KCNMA1: variants seen among roughly 807,000 people sequenced by gnomAD.
KCNMA1 encodes the protein potassium calcium-activated channel subfamily M alpha 1.
A neutral mutation model predicts 140.0 loss-of-function variants in KCNMA1; 29 were observed. That is an observed-to-expected ratio of 0.21 (90% CI 0.15 to 0.28). KCNMA1 has a LOEUF of 0.28. Among genes scored for constraint, KCNMA1 ranks in the 10% least tolerant of loss-of-function variants. The pLI is 1.00. For synonymous variants in KCNMA1, 612 were observed against 611.9 expected (o/e 1.00, Z 0.00); for missense variants, 880 against 1,602.2 (o/e 0.55, Z 7.70).
intron 14 of KCNMA1, 29 bp from the exon 15 acceptor site, chr10:77,039,666 T>G: frequency 7.2e-7 from 1 of 1,389,740 alleles, no homozygotes; most frequent in Non-Finnish European, 1.0e-6. Context: ...TGCGGAGAGT[T>G]TAAAATATGA....
intron 16 of KCNMA1, among the ~76,000 whole-genome samples, chr10:77,027,008 G>T (rs1226824989): frequency 1.3e-5 from 2 of 152,152 alleles, no homozygotes; most frequent in African/African-American, 4.8e-5. Flanking sequence ...AATAGACTGT[G>T]GGTGTCATTT....
intron 1 of KCNMA1, among the ~76,000 whole-genome samples, chr10:77,412,731 G>A (rs2096647378): frequency 6.6e-6 from 1 of 152,230 alleles, no homozygotes; most frequent in African/African-American, 2.4e-5. Flanking sequence ...CCTCTGCATT[G>A]AGCAATTTCA....
chr10:77,574,913 G>A (rs1279182459), intron 1 of KCNMA1, among the ~76,000 whole-genome samples: 1 of 152,186 alleles, frequency 6.6e-6, no homozygotes, highest in African/African-American at 2.4e-5. Context: ...TGCTTGGAGT[G>A]GGAGCTGATG....
chr10:76,872,338 T>C (rs1159279487), downstream of KCNMA1: 2 of 152,228 alleles, frequency 1.3e-5, no homozygotes, highest in Non-Finnish European at 2.9e-5. Context: ...CCTTTAGCAC[T>C]CCTTGCTGCT....
At chr10:77,481,664 A>T (rs1310481852) in intron 1 of KCNMA1, among the ~76,000 whole-genome samples, 1 of 151,836 alleles carries the variant, frequency 6.6e-6, no homozygotes, top group Non-Finnish European at 1.5e-5. Flanking sequence ...AGTCCCAGCT[A>T]CTTGGGAGGC....
At chr10:77,387,933 A>G (rs1439818669) in intron 2 of KCNMA1, among the ~76,000 whole-genome samples, 1 of 152,178 alleles carries the variant, frequency 6.6e-6, no homozygotes, top group Non-Finnish European at 1.5e-5. Context: ...AATTCTTTAG[A>G]GCAGAGCCAT....
At chr10:77,375,503 C>A (rs957132010) in intron 2 of KCNMA1, among the ~76,000 whole-genome samples, 2 of 152,310 alleles carry the variant, frequency 1.3e-5, no homozygotes, top group East Asian at 3.9e-4. Context: ...ACCAAGCAGC[C>A]ACCACAAGAG....
At chr10:76,888,839 T>C (rs999182194) in intron 27 of KCNMA1, among the ~76,000 whole-genome samples, 11 of 151,960 alleles carry the variant, frequency 7.2e-5, no homozygotes, top group Non-Finnish European at 1.5e-4. Flanking sequence ...CCGAGGTGGG[T>C]GGATCACTTG....
intron 2 of KCNMA1, among the ~76,000 whole-genome samples, chr10:77,267,522 T>C (rs571453743): frequency 6.6e-6 from 1 of 152,318 alleles, no homozygotes; most frequent in South Asian, 2.1e-4. Flanking sequence ...TGTGAAACTC[T>C]GTTTCATCTC....
intron 1 of KCNMA1, among the ~76,000 whole-genome samples, chr10:77,574,080 C>T (rs975424693): frequency 1.3e-5 from 2 of 152,120 alleles, no homozygotes; most frequent in Non-Finnish European, 2.9e-5. Flanking sequence ...AAGCGATCCA[C>T]CCATCTTGGC....
intron 1 of KCNMA1, among the ~76,000 whole-genome samples, chr10:77,468,879 C>G (rs1441266173): frequency 6.6e-6 from 1 of 152,176 alleles, no homozygotes; most frequent in Admixed American, 6.5e-5. Flanking sequence ...TCTTGCACTA[C>G]TTGTGATTAG....
intron 1 of KCNMA1, among the ~76,000 whole-genome samples, chr10:77,550,686 G>C (rs902855259): frequency 1.3e-5 from 2 of 152,222 alleles, no homozygotes; most frequent in Admixed American, 1.3e-4. Context: ...GGCAAGGATT[G>C]TGTGTACTCC....
chr10:77,512,795 C>T (rs949506955), intron 1 of KCNMA1, among the ~76,000 whole-genome samples: 2 of 152,152 alleles, frequency 1.3e-5, no homozygotes, highest in Admixed American at 1.3e-4. Context: ...ATGAAACCAA[C>T]CCTGTCAACA....
intron 9 of KCNMA1, among the ~76,000 whole-genome samples, chr10:77,106,180 G>T (rs78050416): frequency 6.6e-6 from 1 of 152,048 alleles, no homozygotes; most frequent in East Asian, 1.9e-4. Flanking sequence ...TGACAGGACG[G>T]ACTCTGTGTC....
intron 2 of KCNMA1, among the ~76,000 whole-genome samples, chr10:77,376,948 A>AATACATACATAC (rs66548732): frequency 0.23 from 34,258 of 148,248 alleles, 4,419 homozygotes; most frequent in African/African-American, 0.33. Flanking sequence ...AAAATAAATA[A>AATACATACATAC]ATACATACAT....
chr10:77,056,312 A>G (rs2095539136), intron 14 of KCNMA1, among the ~76,000 whole-genome samples: 1 of 152,090 alleles, frequency 6.6e-6, no homozygotes, highest in Non-Finnish European at 1.5e-5. Context: ...CCCAGAAGGC[A>G]GAAGTTGTAG....
intron 1 of KCNMA1, among the ~76,000 whole-genome samples, chr10:77,630,929 G>A (rs2093108510): frequency 6.6e-6 from 1 of 151,696 alleles, no homozygotes; most frequent in South Asian, 2.1e-4. Flanking sequence ...AACATAGGGA[G>A]ACCCCATCTC....
intron 21 of KCNMA1, chr10:76,952,231 AC>A (rs2066540597): frequency 1.3e-6 from 2 of 1,501,286 alleles, no homozygotes; most frequent in African/African-American, 1.4e-5. Context: ...ATCAGAATGT[AC>A]ATATATGGCT....
At chr10:76,960,940 T>C (rs1033507205) in intron 20 of KCNMA1, among the ~76,000 whole-genome samples, 1 of 152,042 alleles carries the variant, frequency 6.6e-6, no homozygotes, top group Non-Finnish European at 1.5e-5. Context: ...CACCCAATTA[T>C]TCAAGAGCTC....
Sources: allele counts gnomAD v4.1 joint callset (sites outside exome capture counted in the v4.1 genomes callset), GRCh38; gene constraint gnomAD v4.1.1; transcripts MANE v1.5; gene names NCBI Gene and HGNC (gene_info 2026-07-23, HGNC 2026-07-21).